PHACTR3: variants seen among roughly 807,000 people sequenced by gnomAD.
PHACTR3 encodes protein phosphatase 1, regulatory subunit 123.
In PHACTR3, 16 loss-of-function variants were observed where a neutral mutation model predicts 66.8. The observed-to-expected ratio is 0.24, with a 90% CI of 0.16 to 0.36. PHACTR3 has a LOEUF of 0.36. Ranked by LOEUF, PHACTR3 falls within the 10% of genes least tolerant of loss-of-function variation. PHACTR3 has a pLI of 1.00. For synonymous variants in PHACTR3, 323 were observed against 292.1 expected (o/e 1.11, Z -1.08); for missense variants, 647 against 719.9 (o/e 0.90, Z 1.16).
intron 1 of PHACTR3, among the ~76,000 whole-genome samples, chr20:59,682,255 G>A (rs185772034): frequency 7.2e-5 from 11 of 152,184 alleles, no homozygotes; most frequent in African/African-American, 2.2e-4. Context: ...CAGGAGAATC[G>A]CTCCAACCCA....
Position 59,785,010 on chromosome 20 carries a change from C to T in PHACTR3, c.1174+10520C>T, listed in dbSNP as rs565857405. Among the ~76,000 whole-genome samples, 870 of 108,078 alleles carry T rather than the reference C, an allele frequency of 8.0e-3. 8 individuals are homozygous for T. The highest frequency in any genetic ancestry group is 8.5e-3 in the Non-Finnish European group (459 of 53,966). 70.9% of individuals were successfully genotyped at this position (108,078 alleles called of 152,430 possible). ...CCTTGGAAAGGGCCCCAGGACTTTC[C>T]GAGGGTGGGAGGGTGGGCTCCAGAG... On this transcript the variant is annotated intron_variant, in intron 7 of 12. Transcript: ENST00000371015.
At chr20:59,701,711 A>G (rs1221046685) in intron 1 of PHACTR3, among the ~76,000 whole-genome samples, 1 of 151,854 alleles carries the variant, frequency 6.6e-6, no homozygotes, top group Non-Finnish European at 1.5e-5. Context: ...CAACTGATCA[A>G]CAAATGTTGA....
rs1601354548 is a variant in PHACTR3, at chr20:59,786,240, G to C, written c.1174+11750G>C. Among the ~76,000 whole-genome samples the C allele has an allele frequency of 2.6e-5, 4 of 152,358 alleles. 1 individual carries two copies. The South Asian group carries it at 8.3e-4, about 32-fold the overall frequency. On this transcript the variant is annotated intron_variant, in intron 7 of 12. Coordinates refer to ENST00000371015, the MANE Select transcript of PHACTR3 (RefSeq NM_080672.5). ...TCTGGGGGCCTTGGCTGGGCTCTGA[G>C]CTCTGTGTGGCCATTCAGTTTGCCC... is the stretch of plus-strand genomic sequence containing the variant.
chr20:59,674,578 T>TCCCCGCTTCTTCTGTC (rs2036335983), intron 1 of PHACTR3, among the ~76,000 whole-genome samples: 1 of 46,040 alleles, frequency 2.2e-5, no homozygotes, highest in African/African-American at 1.8e-4. Context: ...GCTTCTCCTG[T>TCCCCGCTTCTTCTGTC]TCCCCCCTTC....
chr20:59,629,049 G>GT (rs1311624600), intron 1 of PHACTR3, among the ~76,000 whole-genome samples: 1 of 152,182 alleles, frequency 6.6e-6, no homozygotes, highest in Admixed American at 6.5e-5. Flanking sequence ...CACTTTTGCT[G>GT]TTTTTTCAGT....
At chr20:59,664,634 A>G (rs985986353) in intron 1 of PHACTR3, among the ~76,000 whole-genome samples, 3 of 152,230 alleles carry the variant, frequency 2.0e-5, no homozygotes, top group African/African-American at 7.2e-5. Context: ...CACTGCTGGC[A>G]GAAATCACAT....
intron 1 of PHACTR3, among the ~76,000 whole-genome samples, chr20:59,655,973 G>A (rs569883037): frequency 5.7e-4 from 86 of 151,682 alleles, no homozygotes; most frequent in African/African-American, 1.8e-3. Flanking sequence ...TTCTGTTATT[G>A]CTTTCTAATT....
intron 3 of PHACTR3, 21 bp downstream of exon 3, chr20:59,747,856 G>A (rs763859206): frequency 3.1e-6 from 5 of 1,611,116 alleles, no homozygotes; most frequent in South Asian, 1.1e-5. Context: ...CCCGTCCCTG[G>A]CTTGGAAGGG....
intron 1 of PHACTR3, among the ~76,000 whole-genome samples, chr20:59,653,941 A>G (rs2035537895): frequency 6.6e-6 from 1 of 152,232 alleles, no homozygotes; most frequent in African/African-American, 2.4e-5. Flanking sequence ...AAAACGAAGC[A>G]GAGTTCCTTG....
intron 8 of PHACTR3, among the ~76,000 whole-genome samples, chr20:59,816,209 G>A (rs992567290): frequency 6.6e-6 from 1 of 152,012 alleles, no homozygotes; most frequent in Non-Finnish European, 1.5e-5. Context: ...CCTCATATGC[G>A]TAGTTCACAA....
intron 1 of PHACTR3, among the ~76,000 whole-genome samples, chr20:59,697,814 T>G (rs1195332342): frequency 1.3e-5 from 2 of 152,316 alleles, no homozygotes; most frequent in Admixed American, 6.5e-5. Context: ...ATGCAACAAC[T>G]TATGCTGCAT....
intron 1 of PHACTR3, among the ~76,000 whole-genome samples, chr20:59,643,099 G>T (rs2035162727): frequency 2.0e-5 from 3 of 152,114 alleles, no homozygotes; most frequent in Admixed American, 2.0e-4. Context: ...TTTTAGTAGA[G>T]ACGGGGTTTC....
intron 1 of PHACTR3, among the ~76,000 whole-genome samples, chr20:59,671,218 C>T (rs189484383): frequency 3.3e-4 from 51 of 152,304 alleles, no homozygotes; most frequent in African/African-American, 1.2e-3. Flanking sequence ...GGTGAAGTGG[C>T]TTCCTTGGCC....
chr20:59,734,043 T>A (rs572622276), intron 1 of PHACTR3, among the ~76,000 whole-genome samples: 6 of 151,782 alleles, frequency 4.0e-5, no homozygotes, highest in African/African-American at 1.5e-4. Context: ...TCCAGGTCCC[T>A]CAATGACTCC....
intron 1 of PHACTR3, among the ~76,000 whole-genome samples, chr20:59,623,741 G>A (rs558643462): frequency 1.3e-5 from 2 of 152,350 alleles, no homozygotes; most frequent in South Asian, 2.1e-4. Context: ...TGGCCATGTG[G>A]TGGGAGGGGC....
At chr20:59,716,000 T>A (rs2038077741) in intron 1 of PHACTR3, among the ~76,000 whole-genome samples, 1 of 151,396 alleles carries the variant, frequency 6.6e-6, no homozygotes. Flanking sequence ...GACCAAGGAG[T>A]GTTTTCTATT....
chr20:59,817,869 C>T (rs1224594548), intron 8 of PHACTR3, among the ~76,000 whole-genome samples: 1 of 152,222 alleles, frequency 6.6e-6, no homozygotes, highest in African/African-American at 2.4e-5. Context: ...CCGGGACCAC[C>T]CACTGGCCAC....
At position 59,592,828 on chromosome 20, in the gene PHACTR3, T is replaced by C. The variant is rs59936661; in HGVS notation, c.109+15211T>C. ...TCCATATAATTTCTTGGCTTTATAG[T>C]TCATTTTTTTTTGTACTGAATAATA... On this transcript the variant is annotated intron_variant, in intron 1 of 12. Transcript: ENST00000359926. Among the ~76,000 whole-genome samples, 862 of 149,144 alleles carry C rather than the reference T, an allele frequency of 5.8e-3. 8 individuals are homozygous for C. The highest frequency in any genetic ancestry group is 0.02 in the African/African-American group (810 of 40,264).
chr20:59,611,183 A>C (rs2033832590), intron 1 of PHACTR3, among the ~76,000 whole-genome samples: 4 of 152,222 alleles, frequency 2.6e-5, no homozygotes, highest in Admixed American at 2.6e-4. Flanking sequence ...GTAAAATGGT[A>C]GGCATTATTG....
Sources: allele counts gnomAD v4.1 joint callset (sites outside exome capture counted in the v4.1 genomes callset), GRCh38; gene constraint gnomAD v4.1.1; transcripts MANE v1.5; gene names NCBI Gene and HGNC (gene_info 2026-07-23, HGNC 2026-07-21).